The following LYZL1 variants were observed in gnomAD, a reference collection of about 807,000 sequenced individuals.
The protein encoded by LYZL1 is lysozyme like 1.
In LYZL1, 16 loss-of-function variants were observed where a neutral mutation model predicts 17.9. The observed-to-expected ratio is 0.90, with a 90% CI of 0.61 to 1.36. The LOEUF (loss-of-function observed/expected upper bound fraction) is 1.36. LYZL1 is among the 40% of genes most tolerant of loss of function. The pLI is 0.00. For missense variants in LYZL1, 149 were observed against 188.4 expected, an observed-to-expected ratio of 0.79 and a Z score of 1.22; for synonymous variants, 58 against 71.8, an observed-to-expected ratio of 0.81 and a Z score of 0.97.
In LYZL1 at chr10:29,299,399, GAA is replaced by G. The variant is rs34658730; in HGVS notation, c.298+6731_298+6732del. Among the ~76,000 whole-genome samples the G allele has an allele frequency of 4.3e-3, 643 of 149,410 alleles. 6 individuals carry two copies. The highest frequency in any genetic ancestry group is 0.014 in the African/African-American group (590 of 40,770). On this transcript the variant is annotated intron_variant, in intron 3 of 4. Transcript: ENST00000649382. ...TGTGTCTTATGATGAATATGCATTT[GAA>G]AAAAAAAATGTGTATTTTATATTTG...
intron 3 of LYZL1, 58 bp from the exon 4 acceptor site, chr10:29,310,052 G>C: frequency 3.2e-6 from 4 of 1,239,382 alleles, no homozygotes; most frequent in Non-Finnish European, 3.5e-6. Context: ...AAGTTGAGTT[G>C]AGGTCCCTCT....
At chr10:29,301,412 G>A (rs1198116373) in intron 3 of LYZL1, among the ~76,000 whole-genome samples, 3 of 151,980 alleles carry the variant, frequency 2.0e-5, no homozygotes, top group African/African-American at 7.3e-5. Context: ...TGCCCAGGCT[G>A]ATCTCAGACT....
downstream of LYZL1, among the ~76,000 whole-genome samples, chr10:29,311,835 G>A (rs1277146500): frequency 3.3e-5 from 5 of 151,964 alleles, no homozygotes; most frequent in East Asian, 1.9e-4. Flanking sequence ...AAAATTAGCC[G>A]GGCGTGGTGG....
chr10:29,308,913 T>G (rs1835633167), intron 3 of LYZL1, among the ~76,000 whole-genome samples: 1 of 152,194 alleles, frequency 6.6e-6, no homozygotes, highest in Non-Finnish European at 1.5e-5. Context: ...TGCAGTGAGC[T>G]ATAATCATGC....
At chr10:29,296,867 G>GC (rs1223535452) in intron 3 of LYZL1, among the ~76,000 whole-genome samples, 1 of 152,140 alleles carries the variant, frequency 6.6e-6, no homozygotes, top group African/African-American at 2.4e-5. Flanking sequence ...AGCCTTTAGT[G>GC]CCCCTCTCTT....
intron 3 of LYZL1, among the ~76,000 whole-genome samples, chr10:29,316,927 A>C (rs570824638): frequency 2.8e-4 from 43 of 152,248 alleles, no homozygotes; most frequent in Non-Finnish European, 1.5e-5. Flanking sequence ...TATGTTGCCC[A>C]AGCTGTTCTT....
Position 29,292,512 on chromosome 10 carries a change from C to G in LYZL1, c.140-7C>G, listed in dbSNP as rs556564488. 17 of 1,611,540 alleles carry G rather than the reference C, an allele frequency of 1.1e-5. No homozygotes were observed. Among genetic ancestry groups the G allele is most frequent in the Admixed American group, 6.7e-5 (4 of 59,348 alleles). On this transcript the variant is annotated splice_region_variant and splice_polypyrimidine_tract_variant and intron_variant, in intron 2 of 4. Transcript: ENST00000649382. Reference sequence around the variant, plus strand: ...TTTGCTGGCGTTTCTGGCTTTCCCCCCTCCAGGGATCTGCATGGCATATTA... The same window carrying G: ...TTTGCTGGCGTTTCTGGCTTTCCCCGCTCCAGGGATCTGCATGGCATATTA...
intron 3 of LYZL1, among the ~76,000 whole-genome samples, chr10:29,316,707 C>CT (rs201357117): frequency 0.11 from 14,399 of 126,242 alleles, 971 homozygotes; most frequent in African/African-American, 0.2. Flanking sequence ...TTTCCTTTTC[C>CT]TTTTTTTTTT....
At chr10:29,293,235 T>G (rs1327565) in intron 3 of LYZL1, among the ~76,000 whole-genome samples, 1 of 149,452 alleles carries the variant, frequency 6.7e-6, no homozygotes, top group Non-Finnish European at 1.5e-5. Context: ...AGGCCCCAAG[T>G]GATCCTCCCT....
chr10:29,313,825 C>T (rs1835699840), downstream of LYZL1, among the ~76,000 whole-genome samples: 1 of 152,204 alleles, frequency 6.6e-6, no homozygotes, highest in South Asian at 2.1e-4. Flanking sequence ...TTTTCATTTA[C>T]TCCTCGTGGC....
chr10:29,290,392 T>C (rs533074796), intron 1 of LYZL1, among the ~76,000 whole-genome samples: 1 of 152,326 alleles, frequency 6.6e-6, no homozygotes, highest in East Asian at 1.9e-4. Context: ...GGTCTCTTTA[T>C]TGCCCCTCTG....
chr10:29,318,242 C>T (rs547339716), exon 5 of LYZL1: 1 of 960,222 alleles, frequency 1.0e-6, no homozygotes, highest in Non-Finnish European at 1.2e-6. Context: ...CCAGTGGCAA[C>T]ATAATTCTTG....
intron 1 of LYZL1, among the ~76,000 whole-genome samples, chr10:29,291,640 G>C (rs1190300823): frequency 1.3e-5 from 2 of 152,056 alleles, no homozygotes; most frequent in Non-Finnish European, 2.9e-5. Context: ...TGACTTGAAA[G>C]TTACTGTATG....
chr10:29,311,327 C>A (rs1312244155), downstream of LYZL1: 2 of 1,098,470 alleles, frequency 1.8e-6, no homozygotes, highest in African/African-American at 3.2e-5. Context: ...AAGCTCCCTT[C>A]TTCATTGTAG....
chr10:29,317,191 C>T (rs1356552024), intron 3 of LYZL1: 1 of 152,190 alleles, frequency 6.6e-6, no homozygotes, highest in Non-Finnish European at 1.5e-5. Flanking sequence ...CACTTCCTCT[C>T]TCCCCTATGG....
At chr10:29,316,026 T>C (rs574842125), downstream of LYZL1, among the ~76,000 whole-genome samples, 91 of 152,146 alleles carry the variant, frequency 6.0e-4, no homozygotes, top group African/African-American at 1.7e-3. Flanking sequence ...CCCCAGCGCT[T>C]GGGCTGCAAG....
intron 4 of LYZL1, 63 bp from the exon 5 acceptor site, chr10:29,310,927 A>G (rs17222392): frequency 0.045 from 72,070 of 1,613,122 alleles, 1,797 homozygotes; most frequent in Middle Eastern, 0.088. Context: ...GTAGGCTTTG[A>G]AACTAAGACG....
intron 3 of LYZL1, among the ~76,000 whole-genome samples, chr10:29,306,180 G>A (rs1835586398): frequency 6.6e-6 from 1 of 151,866 alleles, no homozygotes; most frequent in Non-Finnish European, 1.5e-5. Flanking sequence ...TGATGAAAAT[G>A]TCTTCCATCT....
intron 2 of LYZL1, among the ~76,000 whole-genome samples, chr10:29,292,280 G>A (rs1342547083): frequency 2.0e-5 from 3 of 151,122 alleles, no homozygotes; most frequent in African/African-American, 7.3e-5. Flanking sequence ...GGAGTGGGGG[G>A]ACCTGACTGT....
Sources: allele counts gnomAD v4.1 joint callset (sites outside exome capture counted in the v4.1 genomes callset), GRCh38; gene constraint gnomAD v4.1.1; transcripts MANE v1.5; gene names NCBI Gene and HGNC (gene_info 2026-07-23, HGNC 2026-07-21).